Variants in UNC5D observed in about 807,000 individuals in gnomAD.
UNC5D encodes the protein unc-5 netrin receptor D.
UNC5D carries 39 observed loss-of-function variants against 105.4 expected under a neutral mutation model. That is an observed-to-expected ratio of 0.37 (90% CI 0.29 to 0.48). The LOEUF (loss-of-function observed/expected upper bound fraction) is 0.48. Ranked by LOEUF, UNC5D falls within the 20% of genes least tolerant of loss-of-function variation. UNC5D has a pLI of 0.98. For missense variants in UNC5D, 991 were observed against 1,202.4 expected, an observed-to-expected ratio of 0.82 and a Z score of 2.60; for synonymous variants, 452 against 450.4, an observed-to-expected ratio of 1.00 and a Z score of -0.04.
At chr8:35,723,157 C>CTTCA (rs1240344602) in intron 9 of UNC5D, among the ~76,000 whole-genome samples, 2 of 152,090 alleles carry the variant, frequency 1.3e-5, no homozygotes, top group Admixed American at 6.6e-5. Context: ...ATATCGTCAC[C>CTTCA]TTCATTTCTG....
intron 3 of UNC5D, 77 bp from the exon 4 acceptor site, chr8:35,595,477 C>CT: frequency 7.5e-7 from 1 of 1,330,250 alleles, no homozygotes; most frequent in Non-Finnish European, 1.1e-6. Flanking sequence ...ATTAAGCTCA[C>CT]TTTTTTTGTA....
chr8:35,722,781 C>T (rs115952584), intron 9 of UNC5D, among the ~76,000 whole-genome samples: 3,985 of 152,206 alleles, frequency 0.026, 64 homozygotes, highest in Middle Eastern at 0.048. Context: ...ATTACAGCCT[C>T]CCAGGTATAT....
rs545571710 is a variant in UNC5D at position 35,379,887 on chromosome 8, C to T, written c.103+144000C>T. 1.6e-4 allele frequency among the ~76,000 whole-genome samples: 25 copies of T among 151,920 alleles called. No individual in the cohort carries two copies. The South Asian group carries it at 5.0e-3, about 30-fold the overall frequency. On this transcript the variant is annotated intron_variant, in intron 1 of 16. Transcript: ENST00000404895. Reference sequence around the variant, plus strand: ...GTTTTGTACATTTATATTATATACTCACATACATTTTTATATATCGTCTTA... The same window carrying T: ...GTTTTGTACATTTATATTATATACTTACATACATTTTTATATATCGTCTTA...
At chr8:35,494,406 C>T (rs1055485021) in intron 1 of UNC5D, among the ~76,000 whole-genome samples, 20 of 152,040 alleles carry the variant, frequency 1.3e-4, no homozygotes, top group African/African-American at 4.1e-4. Flanking sequence ...AATAGAGGTA[C>T]GATATAATAG....
chr8:35,743,602 A>AT lies in UNC5D; in HGVS notation c.1767-4917dup, dbSNP rs142317647. Reference sequence around the variant, plus strand: ...CTGCACTCACTTTAAAAAAAAAAAAATTTTTTTTAAATCTTGACAAAATTT... The same window carrying AT: ...CTGCACTCACTTTAAAAAAAAAAAAATTTTTTTTTAAATCTTGACAAAATTT... On this transcript the variant is annotated intron_variant, in intron 11 of 16. Transcript: ENST00000404895. Among the ~76,000 whole-genome samples the AT allele has an allele frequency of 5.9e-3, 877 of 149,708 alleles. 5 individuals are homozygous for AT. The highest frequency in any genetic ancestry group is 5.8e-3 in the Non-Finnish European group (394 of 67,868).
chr8:35,604,822 C>T (rs1181252784), intron 4 of UNC5D, among the ~76,000 whole-genome samples: 1 of 152,174 alleles, frequency 6.6e-6, no homozygotes, highest in Non-Finnish European at 1.5e-5. Context: ...ACCTTTTCTT[C>T]CAGTTGATCG....
chr8:35,400,752 C>T (rs945127613), intron 1 of UNC5D, among the ~76,000 whole-genome samples: 6 of 152,090 alleles, frequency 3.9e-5, no homozygotes, highest in Non-Finnish European at 8.8e-5. Flanking sequence ...CAAAATTGGC[C>T]GATTATAATC....
intron 7 of UNC5D, among the ~76,000 whole-genome samples, chr8:35,703,233 G>C (rs1178617862): frequency 1.3e-5 from 2 of 151,640 alleles, no homozygotes; most frequent in African/African-American, 2.4e-5. Context: ...ATAACAGGTT[G>C]AAATTGTGTC....
chr8:35,519,143 C>G (rs1004222575), intron 1 of UNC5D, among the ~76,000 whole-genome samples: 3 of 151,638 alleles, frequency 2.0e-5, no homozygotes, highest in African/African-American at 7.3e-5. Flanking sequence ...AGCCTTTTTT[C>G]TGGGGTTTCC....
chr8:35,657,092 A>ATATATATATG (rs1823816775), intron 4 of UNC5D, among the ~76,000 whole-genome samples: 1 of 98,330 alleles, frequency 1.0e-5, no homozygotes, highest in African/African-American at 4.2e-5. Context: ...ATATATATAT[A>ATATATATATG]TATATATATA....
rs1253638552 is a variant in UNC5D at position 35,461,142 on chromosome 8, T to C, written c.104-88150T>C. Among the ~76,000 whole-genome samples the C allele has an allele frequency of 3.3e-5, 5 of 152,228 alleles. No individual in the cohort carries two copies. The East Asian group carries it at 9.6e-4, about 29-fold the overall frequency. On this transcript the variant is annotated intron_variant, in intron 1 of 16. Transcript: ENST00000404895. ...CTCCAATATTGCTGATGCGGGATGT[T>C]AGCTACCTGGGTAGTTAGCAGAAAG...
rs530676761 is a variant in UNC5D, at chr8:35,307,829, T to C, written c.103+71942T>C. ...GCAGGAACTTTACAGTTAATATTGA[T>C]TCAATGTCAGAAGCACAACATTGAT... is the stretch of plus-strand genomic sequence containing the variant. On this transcript the variant is annotated intron_variant, in intron 1 of 16. Coordinates refer to ENST00000404895, the MANE Select transcript of UNC5D (RefSeq NM_080872.4). Among the ~76,000 whole-genome samples the C allele has an allele frequency of 6.6e-5, 10 of 152,222 alleles. No individual in the cohort carries two copies. In the South Asian group the frequency reaches 2.1e-3, roughly 32 times the overall value.
chr8:35,343,207 C>T (rs1811576781), intron 1 of UNC5D, among the ~76,000 whole-genome samples: 2 of 152,132 alleles, frequency 1.3e-5, no homozygotes, highest in South Asian at 4.1e-4. Context: ...AACTGTTTCT[C>T]CTCTGATCTG....
At chr8:35,695,166 A>G (rs146715822) in intron 7 of UNC5D, among the ~76,000 whole-genome samples, 1 of 152,154 alleles carries the variant, frequency 6.6e-6, no homozygotes, top group African/African-American at 2.4e-5. Context: ...ACAGTTCCCA[A>G]GGTATCTTAA....
chr8:35,607,837 T>TTAACCC (rs1820409319), intron 4 of UNC5D, among the ~76,000 whole-genome samples: 1 of 151,996 alleles, frequency 6.6e-6, no homozygotes, highest in South Asian at 2.1e-4. Flanking sequence ...CCTTTATAAA[T>TTAACCC]TAACCCTAAC....
intron 1 of UNC5D, among the ~76,000 whole-genome samples, chr8:35,336,579 G>A (rs1421840623): frequency 6.6e-6 from 1 of 152,180 alleles, no homozygotes; most frequent in Non-Finnish European, 1.5e-5. Context: ...AGGCATCACA[G>A]GAGACACAGC....
At chr8:35,581,646 A>G (rs937336628) in intron 3 of UNC5D, among the ~76,000 whole-genome samples, 3 of 152,330 alleles carry the variant, frequency 2.0e-5, no homozygotes, top group Non-Finnish European at 4.4e-5. Context: ...AATGCTTGAG[A>G]TGATGGGTAT....
At chr8:35,444,556 C>T (rs1289150553) in intron 1 of UNC5D, among the ~76,000 whole-genome samples, 3 of 152,048 alleles carry the variant, frequency 2.0e-5, no homozygotes, top group Admixed American at 6.6e-5. Context: ...CTCTCTCTCT[C>T]TCTTCCCAAA....
chr8:35,595,850 C>T (rs1196319037), intron 4 of UNC5D, among the ~76,000 whole-genome samples, 193 bp downstream of exon 4: 1 of 152,214 alleles, frequency 6.6e-6, no homozygotes, highest in Non-Finnish European at 1.5e-5. Flanking sequence ...CTCCCATCTA[C>T]TTCTGTGTTT....
Sources: allele counts gnomAD v4.1 joint callset (sites outside exome capture counted in the v4.1 genomes callset), GRCh38; gene constraint gnomAD v4.1.1; transcripts MANE v1.5; gene names NCBI Gene and HGNC (gene_info 2026-07-23, HGNC 2026-07-21).